Variants in NTN4 observed in about 807,000 individuals in gnomAD.
NTN4 encodes netrin 4.
In NTN4, 32 loss-of-function variants were observed where a neutral mutation model predicts 73.6. The observed-to-expected ratio is 0.44, with a 90% confidence interval of 0.33 to 0.58. The LOEUF (loss-of-function observed/expected upper bound fraction) is 0.58. NTN4 is among the 20% of genes least tolerant of loss of function. The pLI is 0.04. For synonymous variants in NTN4, 258 were observed against 287.5 expected (o/e 0.90, Z 1.04); for missense variants, 654 against 798.3 (o/e 0.82, Z 2.18).
At chr12:95,777,293 TCAAATTC>T (rs200855634) in intron 2 of NTN4, among the ~76,000 whole-genome samples, 28,871 of 151,794 alleles carry the variant, frequency 0.19, 2,912 homozygotes, top group African/African-American at 0.26. Context: ...AATGACAGGA[TCAAATTC>T]ACACATAACA....
chr12:95,747,313 G>A (rs899349368), intron 2 of NTN4, among the ~76,000 whole-genome samples: 21 of 151,730 alleles, frequency 1.4e-4, no homozygotes, highest in African/African-American at 3.1e-4. Flanking sequence ...TATTATGATC[G>A]CCTATATATG....
intron 3 of NTN4, among the ~76,000 whole-genome samples, chr12:95,732,642 G>A (rs972145930): frequency 6.6e-6 from 1 of 151,850 alleles, no homozygotes; most frequent in South Asian, 2.1e-4. Flanking sequence ...CAGGTGATCC[G>A]CCTGCCTTGG....
At chr12:95,681,206 A>AAAAC (rs1380905361) in intron 7 of NTN4, among the ~76,000 whole-genome samples, 1 of 151,648 alleles carries the variant, frequency 6.6e-6, no homozygotes, top group Non-Finnish European at 1.5e-5. Flanking sequence ...AAAAAAAAAA[A>AAAAC]AAAGAGTAGA....
At chr12:95,782,948 G>A (rs2079143496) in intron 2 of NTN4, among the ~76,000 whole-genome samples, 2 of 152,130 alleles carry the variant, frequency 1.3e-5, no homozygotes, top group Non-Finnish European at 1.5e-5. Context: ...CATCTAAGAC[G>A]GTTTGCTACA....
chr12:95,694,485 G>T (rs543060309), intron 5 of NTN4, among the ~76,000 whole-genome samples: 2 of 152,094 alleles, frequency 1.3e-5, no homozygotes, highest in Non-Finnish European at 2.9e-5. Flanking sequence ...AGAGCAAGGG[G>T]GACTTAAGGG....
chr12:95,749,821 CCCT>C (rs2078890541), intron 2 of NTN4, among the ~76,000 whole-genome samples: 1 of 149,964 alleles, frequency 6.7e-6, no homozygotes, highest in South Asian at 2.1e-4. Context: ...GGGCAAGTAC[CCCT>C]CAACTCCTTC....
chr12:95,738,333 C>CTGTT (rs1438713676), intron 2 of NTN4, among the ~76,000 whole-genome samples, 189 bp from the exon 3 acceptor site: 1 of 152,152 alleles, frequency 6.6e-6, no homozygotes, highest in Non-Finnish European at 1.5e-5. Flanking sequence ...GATGTGCTGC[C>CTGTT]TGTTTGTACA....
intron 2 of NTN4, among the ~76,000 whole-genome samples, chr12:95,756,128 A>T (rs1296249449): frequency 6.6e-6 from 1 of 152,168 alleles, no homozygotes; most frequent in Non-Finnish European, 1.5e-5. Flanking sequence ...CAATCTAATG[A>T]TTTTTTCACT....
At position 95,677,753 on chromosome 12, in the gene NTN4, T is replaced by C. The variant is rs544652917; in HGVS notation, c.1510+4954A>G. On this transcript the variant is annotated intron_variant, in intron 7 of 9. Transcript: ENST00000343702. Reference sequence around the variant, plus strand: ...ACTGTTGGCAGGAGTGTAAACTAGTTCAACCATTGTGGAAGACAGTGTGGT... The same window carrying C: ...ACTGTTGGCAGGAGTGTAAACTAGTCCAACCATTGTGGAAGACAGTGTGGT... Among the ~76,000 whole-genome samples, 3 of 152,348 alleles carry C rather than the reference T, an allele frequency of 2.0e-5. No homozygotes were observed. The South Asian group carries it at 6.2e-4, about 32-fold the overall frequency.
At chr12:95,784,501 A>T (rs1258210001) in intron 2 of NTN4, among the ~76,000 whole-genome samples, 1 of 152,036 alleles carries the variant, frequency 6.6e-6, no homozygotes, top group East Asian at 1.9e-4. Context: ...GGGCGCAGTG[A>T]CTCACACCTG....
At chr12:95,729,911 C>T (rs2078725738) in intron 3 of NTN4, among the ~76,000 whole-genome samples, 1 of 152,086 alleles carries the variant, frequency 6.6e-6, no homozygotes, top group Non-Finnish European at 1.5e-5. Flanking sequence ...CTTCCTTCTC[C>T]CCATGAACCC....
Position 95,787,373 on chromosome 12 carries a change from T to A in NTN4, c.151A>T (p.Thr51Ser), listed in dbSNP as rs756543652. The change falls in exon 2 of 10, where the codon ACC (threonine) becomes TCC (serine). Residue 51 changes from threonine (T) to serine (S), a missense_variant. By Grantham distance (58) the Thr-to-Ser change is moderately conservative. Transcript: ENST00000343702. ...LALGRKLWAD[T>S]TCGQNATELY... ...TCGGTAGCATTCTGACCGCAGGTGGTGTCTGCCCAGAGTTTTCGCCCCAAA... is the reference window on the plus strand; with the variant it reads ...TCGGTAGCATTCTGACCGCAGGTGGAGTCTGCCCAGAGTTTTCGCCCCAAA... 9 of 1,614,204 alleles carry A rather than the reference T, an allele frequency of 5.6e-6. No homozygotes were observed. The highest frequency in any genetic ancestry group is 6.8e-6 in the Non-Finnish European group (8 of 1,180,034).
intron 5 of NTN4, among the ~76,000 whole-genome samples, chr12:95,693,735 G>GAAAA (rs11327868): frequency 8.5e-6 from 1 of 118,184 alleles, no homozygotes; most frequent in African/African-American, 3.1e-5. Flanking sequence ...TGTCTCAATT[G>GAAAA]AAAAAAAAAA....
At chr12:95,723,635 C>T (rs1023957225) in intron 3 of NTN4, among the ~76,000 whole-genome samples, 3 of 151,810 alleles carry the variant, frequency 2.0e-5, no homozygotes, top group African/African-American at 7.3e-5. Flanking sequence ...CCTGCCTCAG[C>T]CTCCTGAGTA....
At chr12:95,722,899 G>A (rs2078659823) in intron 3 of NTN4, among the ~76,000 whole-genome samples, 2 of 138,494 alleles carry the variant, frequency 1.4e-5, no homozygotes, top group Admixed American at 8.2e-5. Flanking sequence ...ACTTGAACCC[G>A]GAAGGCAGAG....
At chr12:95,786,259 G>A (rs1300414024) in intron 2 of NTN4, among the ~76,000 whole-genome samples, 1 of 152,108 alleles carries the variant, frequency 6.6e-6, no homozygotes, top group Non-Finnish European at 1.5e-5. Context: ...AGCCTTTCAA[G>A]GTATTGCCAC....
chr12:95,702,024 A>T (rs2078488485), intron 5 of NTN4, among the ~76,000 whole-genome samples: 1 of 152,128 alleles, frequency 6.6e-6, no homozygotes, highest in African/African-American at 2.4e-5. Flanking sequence ...TCACGCATGA[A>T]ATCTCAGCAC....
chr12:95,690,189 C>A (rs544266430), intron 5 of NTN4, among the ~76,000 whole-genome samples: 2 of 152,186 alleles, frequency 1.3e-5, no homozygotes, highest in African/African-American at 2.4e-5. Flanking sequence ...TGGAGGAAAA[C>A]AGCATAGGAG....
intron 2 of NTN4, among the ~76,000 whole-genome samples, chr12:95,739,035 A>G (rs2078803532): frequency 6.6e-6 from 1 of 152,286 alleles, no homozygotes; most frequent in Admixed American, 6.5e-5. Flanking sequence ...ACCATCTGAC[A>G]TTATATTTGT....
Sources: gnomAD v4.1 joint callset for allele counts (sites outside exome capture counted in the v4.1 genomes callset) on GRCh38, gnomAD v4.1.1 for gene constraint, MANE v1.5 for transcripts, NCBI Gene and HGNC (gene_info 2026-07-23, HGNC 2026-07-21) for gene names.